CUX2: variants seen among roughly 807,000 people sequenced by gnomAD.
CUX2 encodes homeobox protein cut-like 2.
In CUX2, 40 loss-of-function variants were observed where a neutral mutation model predicts 144.8. The ratio of observed to expected loss-of-function variants is 0.28; its 90% confidence interval spans 0.21 to 0.36. CUX2 has a LOEUF of 0.36. Ranked by LOEUF, CUX2 falls within the 10% of genes least tolerant of loss-of-function variation. The probability of loss-of-function intolerance (pLI) is 1.00; values close to 1 mark genes in which losing one functional copy is unlikely to be tolerated. For missense variants in CUX2, 1,615 were observed against 1,994.0 expected (o/e 0.81, Z 3.62); for synonymous variants, 827 against 875.6 (o/e 0.94, Z 0.98).
Position 111,255,711 on chromosome 12 carries a change from T to C in CUX2, c.223-8050T>C, listed in dbSNP as rs1233355171. Among the ~76,000 whole-genome samples, 1 of 152,184 alleles carries C rather than the reference T, an allele frequency of 6.6e-6. No individual in the cohort carries two copies. Among genetic ancestry groups the C allele is most frequent in the East Asian group, 1.9e-4 (1 of 5,200 alleles). ...AGTCACACCCGCAGCGTGATGAGGG[T>C]TAAGCTAATGTGCATCCAGTACATA... On this transcript the variant is annotated intron_variant, in intron 3 of 21. Coordinates refer to ENST00000261726, the MANE Select transcript of CUX2 (RefSeq NM_015267.4). The surrounding 1 kb of genome is among the most constrained non-coding windows in gnomAD (Gnocchi z 4.1).
intron 1 of CUX2, among the ~76,000 whole-genome samples, chr12:111,054,702 C>T (rs1323275041): frequency 3.3e-5 from 5 of 152,108 alleles, no homozygotes; most frequent in Non-Finnish European, 5.9e-5. Flanking sequence ...TCTTGGCTCA[C>T]GGCAGCCTCT....
intron 1 of CUX2, among the ~76,000 whole-genome samples, chr12:111,175,047 C>T (rs984070913): frequency 6.6e-5 from 10 of 152,128 alleles, no homozygotes; most frequent in Admixed American, 1.3e-4. Flanking sequence ...AAGAGGGGGC[C>T]GTACAGGGAT....
chr12:111,189,667 C>T (rs1351617999), intron 1 of CUX2, among the ~76,000 whole-genome samples: 1 of 152,084 alleles, frequency 6.6e-6, no homozygotes. Context: ...TCCAGACCAG[C>T]GCTTCTCAAA....
intron 1 of CUX2, among the ~76,000 whole-genome samples, chr12:111,102,693 G>A (rs1331124697): frequency 6.6e-6 from 1 of 152,140 alleles, no homozygotes; most frequent in Non-Finnish European, 1.5e-5. Flanking sequence ...GAGACATTTT[G>A]GAGTCTTCCA....
rs955633779 is a variant in CUX2, at chr12:111,068,731, C to G, written c.63+34491C>G. 1.3e-5 allele frequency among the ~76,000 whole-genome samples: 2 copies of G among 152,176 alleles called. No homozygotes were observed. Among genetic ancestry groups the G allele is most frequent in the Non-Finnish European group, 2.9e-5 (2 of 68,038 alleles). On this transcript the variant is annotated intron_variant, in intron 1 of 21. Coordinates refer to ENST00000261726, the MANE Select transcript of CUX2 (RefSeq NM_015267.4). The surrounding 1 kb of genome is among the most constrained non-coding windows in gnomAD (Gnocchi z 4.9). The stretch of plus-strand genomic sequence containing the variant: ...TGCCCATGTCAGGGGCTGTTTGCAC[C>G]CTGAGAGGAGAGGAGACGGGGTGCC...
chr12:111,298,646 G>A, intron 9 of CUX2, 57 bp downstream of exon 9: 1 of 1,503,032 alleles, frequency 6.7e-7, no homozygotes, highest in Non-Finnish European at 9.1e-7. Flanking sequence ...CCTGGGGTGG[G>A]GGTCTCGGGC....
At chr12:111,252,100 C>A (rs563350379) in intron 3 of CUX2, among the ~76,000 whole-genome samples, 3 of 152,114 alleles carry the variant, frequency 2.0e-5, no homozygotes, top group Non-Finnish European at 4.4e-5. Context: ...GCAGGAAGAT[C>A]GCTTGAGCCC....
intron 1 of CUX2, among the ~76,000 whole-genome samples, chr12:111,088,199 T>A (rs1176656850): frequency 6.6e-6 from 1 of 152,186 alleles, no homozygotes; most frequent in African/African-American, 2.4e-5. Flanking sequence ...TGAAATGCTC[T>A]GTACCTTGAC....
At chr12:111,045,725 C>G (rs1592846236) in intron 1 of CUX2, among the ~76,000 whole-genome samples, 1 of 152,206 alleles carries the variant, frequency 6.6e-6, no homozygotes, top group Non-Finnish European at 1.5e-5. Context: ...AGACCCCGGT[C>G]TTGCCACTTC....
rs922969022 is a variant in CUX2, at chr12:111,034,494, G to GGAGCGGCC, written c.63+263_63+270dup. Among the ~76,000 whole-genome samples the GGAGCGGCC allele has an allele frequency of 4.6e-5, 7 of 151,770 alleles. No individual in the cohort carries two copies. The highest frequency in any genetic ancestry group is 6.6e-5 in the Admixed American group (1 of 15,266). Reference sequence around the variant, plus strand: ...AAGCGCTAGTGAGCCCTCGGTCGGCGGAGCGGCCGAGCGGCCAGGCGGCCG... The same window carrying GGAGCGGCC: ...AAGCGCTAGTGAGCCCTCGGTCGGCGGAGCGGCCGAGCGGCCGAGCGGCCAGGCGGCCG... On this transcript the variant is annotated intron_variant, in intron 1 of 21. Transcript: ENST00000261726. This position sits in a 1 kb window ranked among gnomAD's most constrained non-coding sequence, Gnocchi z 4.2.
At position 111,307,301 on chromosome 12, in the gene CUX2, C is replaced by T. The variant is rs762518981; in HGVS notation, c.1109+44C>T. ...CTCCACAGACCCTCAGTGCTCTTCC[C>T]TGGCCAGGAGCTCTTGGCAAAGTTC... On this transcript the variant is annotated intron_variant, in intron 12 of 21. Coordinates refer to ENST00000261726, the MANE Select transcript of CUX2 (RefSeq NM_015267.4). The surrounding 1 kb of genome is among the most constrained non-coding windows in gnomAD (Gnocchi z 4.1). 6.3e-7 allele frequency: 1 copy of T among 1,582,354 alleles called. No individual in the cohort carries two copies. The highest frequency in any genetic ancestry group is 2.2e-5 in the East Asian group (1 of 44,702).
At chr12:111,092,805 ATTTTTTTTTTT>A (rs528129107) in intron 1 of CUX2, among the ~76,000 whole-genome samples, 14 of 106,036 alleles carry the variant, frequency 1.3e-4, no homozygotes, top group East Asian at 6.8e-4. Flanking sequence ...GCTCTGGCAG[ATTTTTTTTTTT>A]TTTTTTTTTT....
chr12:111,198,334 G>T (rs1880367979), intron 1 of CUX2, among the ~76,000 whole-genome samples: 1 of 152,098 alleles, frequency 6.6e-6, no homozygotes, highest in African/African-American at 2.4e-5. Flanking sequence ...AATTAGCCGG[G>T]TGTGGTGGTG....
intron 1 of CUX2, among the ~76,000 whole-genome samples, chr12:111,081,151 T>C (rs1858983): frequency 0.019 from 2,898 of 152,142 alleles, 96 homozygotes; most frequent in African/African-American, 0.066. Context: ...ACTGCTGCAG[T>C]GGTGGGAGGA....
rs576127837 is a variant in CUX2 at position 111,307,627 on chromosome 12, G to A, written c.1109+370G>A. Among the ~76,000 whole-genome samples, 1 of 152,304 alleles carries A rather than the reference G, an allele frequency of 6.6e-6. No homozygotes were observed. Among genetic ancestry groups the A allele is most frequent in the South Asian group, 2.1e-4 (1 of 4,826 alleles). On this transcript the variant is annotated intron_variant, in intron 12 of 21. Coordinates refer to ENST00000261726, the MANE Select transcript of CUX2 (RefSeq NM_015267.4). This position sits in a 1 kb window ranked among gnomAD's most constrained non-coding sequence, Gnocchi z 4.1. ...TGGGAGGATTGCTTGAGCCTGAGAG[G>A]TCAAGGCTGCAGTGAGCTGTGGTGG...
intron 1 of CUX2, among the ~76,000 whole-genome samples, chr12:111,046,696 G>T (rs766394436): frequency 6.6e-6 from 1 of 151,892 alleles, no homozygotes; most frequent in African/African-American, 2.4e-5. Context: ...TGGCTCTGTC[G>T]CCCAGGCTGG....
At chr12:111,270,444 G>A (rs1183318418) in intron 4 of CUX2, 1 of 151,972 alleles carries the variant, frequency 6.6e-6, no homozygotes, top group Non-Finnish European at 1.5e-5. Context: ...TCACACAGAT[G>A]TGGCGTGAAG....
chr12:111,292,748 G>A (rs1281958210), intron 5 of CUX2, among the ~76,000 whole-genome samples: 1 of 152,196 alleles, frequency 6.6e-6, no homozygotes, highest in Non-Finnish European at 1.5e-5. Flanking sequence ...AAGGGGAATG[G>A]GGAGTTGTTT....
intron 3 of CUX2, among the ~76,000 whole-genome samples, chr12:111,257,356 T>C (rs1182123145): frequency 1.2e-5 from 1 of 82,294 alleles, no homozygotes; most frequent in Non-Finnish European, 2.4e-5. Flanking sequence ...CCTCCTCCGC[T>C]TCCTCCTCCT....
Sources: gnomAD v4.1 joint callset for allele counts (sites outside exome capture counted in the v4.1 genomes callset) on GRCh38, gnomAD v4.1.1 for gene constraint, Gnocchi (gnomAD v3.1) non-coding constraint, MANE v1.5 for transcripts, NCBI Gene and HGNC (gene_info 2026-07-23, HGNC 2026-07-21) for gene names.